Variants in VRK2 observed in about 807,000 individuals in gnomAD.
VRK2 encodes VRK serine/threonine kinase 2.
VRK2 carries 60 observed loss-of-function variants against 57.6 expected under a neutral mutation model. The ratio of observed to expected loss-of-function variants is 1.04; its 90% CI spans 0.85 to 1.29. VRK2 has a LOEUF of 1.29. VRK2 is among the 50% of genes most tolerant of loss of function. The pLI is 0.00. For synonymous variants in VRK2, 231 were observed against 199.2 expected (o/e 1.16, Z -1.35); for missense variants, 705 against 588.1 (o/e 1.20, Z -2.06).
intron 2 of VRK2, among the ~76,000 whole-genome samples, chr2:58,063,896 CAA>C (rs1668254829): frequency 6.6e-6 from 1 of 152,064 alleles, no homozygotes; most frequent in Non-Finnish European, 1.5e-5. Context: ...GCAGTGTTAA[CAA>C]GAGTTTGGAA....
At chr2:57,932,126 A>AT (rs1429734603) in intron 1 of VRK2, among the ~76,000 whole-genome samples, 16 of 152,118 alleles carry the variant, frequency 1.1e-4, no homozygotes, top group Middle Eastern at 3.4e-3. Context: ...TTTCATACAA[A>AT]TTTTAGGATT....
At chr2:58,009,950 T>C (rs1298834042) in intron 1 of VRK2, among the ~76,000 whole-genome samples, 1 of 152,118 alleles carries the variant, frequency 6.6e-6, no homozygotes, top group Non-Finnish European at 1.5e-5. Flanking sequence ...GTCCAATACT[T>C]AATGTCCACT....
upstream of VRK2, among the ~76,000 whole-genome samples, chr2:58,043,852 T>C (rs560756853): frequency 1.3e-5 from 2 of 152,348 alleles, no homozygotes; most frequent in South Asian, 4.1e-4. Context: ...ATAAGAGAGT[T>C]CCAAGTTGTT....
chr2:58,159,833 G>C lies in VRK2; in HGVS notation c.*140G>C, dbSNP rs1354500464. 2 of 1,610,022 alleles carry C rather than the reference G, an allele frequency of 1.2e-6. No individual in the cohort carries two copies. The highest frequency in any genetic ancestry group is 2.7e-5 in the African/African-American group (2 of 74,696). ...AAGAGAACATATTTTAACAAAGTTT[G>C]TGGACACTCTAAAAAATAAAATTGC... On this transcript the variant is annotated 3_prime_UTR_variant, in exon 13 of 13. Transcript: ENST00000340157.
intron 2 of VRK2, among the ~76,000 whole-genome samples, chr2:58,049,834 G>T (rs1675442666): frequency 6.6e-6 from 1 of 152,034 alleles, no homozygotes. Context: ...CATGCTTCAT[G>T]GATCCTGAAA....
intron 1 of VRK2, among the ~76,000 whole-genome samples, chr2:58,022,881 GA>G (rs1329484904): frequency 6.6e-6 from 1 of 151,590 alleles, no homozygotes; most frequent in Non-Finnish European, 1.5e-5. Flanking sequence ...ACTCAAAAAA[GA>G]AAAAAATATG....
rs563122670 is a variant in VRK2 at position 58,128,924 on chromosome 2, T to C, written c.677-2884T>C. 6.8e-4 allele frequency among the ~76,000 whole-genome samples: 104 copies of C among 152,330 alleles called. 2 individuals carry two copies. Among genetic ancestry groups the C allele is most frequent in the Middle Eastern group, 3.4e-3 (1 of 294 alleles). On this transcript the variant is annotated intron_variant, in intron 8 of 12. Coordinates refer to ENST00000340157, the MANE Select transcript of VRK2 (RefSeq NM_006296.7). ...TATCAGCCATTTCTAAAATTTTCTT[T>C]CTAGTTAAATAGAATTTAAATCCTC...
At chr2:58,079,458 C>A (rs563867532) in intron 2 of VRK2, among the ~76,000 whole-genome samples, 3 of 152,028 alleles carry the variant, frequency 2.0e-5, no homozygotes, top group African/African-American at 7.2e-5. Flanking sequence ...TGACATTTGC[C>A]AAATGATGAT....
chr2:58,136,210 A>G (rs1030286020), intron 10 of VRK2, among the ~76,000 whole-genome samples: 1 of 152,150 alleles, frequency 6.6e-6, no homozygotes, highest in African/African-American at 2.4e-5. Flanking sequence ...CAATAAGCCT[A>G]TCCCCACATG....
chr2:58,110,529 A>G (rs1675402321), intron 7 of VRK2, among the ~76,000 whole-genome samples: 1 of 152,180 alleles, frequency 6.6e-6, no homozygotes, highest in African/African-American at 2.4e-5. Context: ...GTTTTGATAC[A>G]AATTTGTGCT....
At chr2:57,934,976 TC>T (rs1284217298) in intron 1 of VRK2, among the ~76,000 whole-genome samples, 1 of 152,238 alleles carries the variant, frequency 6.6e-6, no homozygotes, top group Non-Finnish European at 1.5e-5. Context: ...GTATTGCTTT[TC>T]TGATTTCATT....
intron 2 of VRK2, among the ~76,000 whole-genome samples, chr2:58,055,754 A>G (rs1265964490): frequency 2.0e-5 from 3 of 152,234 alleles, no homozygotes; most frequent in Non-Finnish European, 4.4e-5. Context: ...ACAAAATTGT[A>G]TAAAGGAGAT....
intron 1 of VRK2, among the ~76,000 whole-genome samples, chr2:57,964,284 T>C (rs1266494616): frequency 1.3e-5 from 2 of 152,044 alleles, no homozygotes; most frequent in African/African-American, 4.8e-5. Context: ...AAAAGAAAAA[T>C]ATTATTAAGA....
intron 7 of VRK2, among the ~76,000 whole-genome samples, chr2:58,110,407 A>G (rs1221274942): frequency 2.0e-5 from 3 of 152,226 alleles, no homozygotes; most frequent in African/African-American, 7.2e-5. Context: ...TTACGAAAAT[A>G]ACTATATGAC....
chr2:57,975,756 CTCT>C (rs902487249), intron 1 of VRK2, among the ~76,000 whole-genome samples: 15 of 151,408 alleles, frequency 9.9e-5, no homozygotes, highest in African/African-American at 3.7e-4. Flanking sequence ...TTTTCTCTCT[CTCT>C]TTTTTTTTTT....
intron 1 of VRK2, among the ~76,000 whole-genome samples, chr2:57,991,524 G>C (rs544052706): frequency 6.6e-6 from 1 of 152,278 alleles, no homozygotes; most frequent in South Asian, 2.1e-4. Context: ...TACTCACCCT[G>C]TAGCATTTAC....
At chr2:58,152,161 T>G (rs1393298499) in intron 12 of VRK2, among the ~76,000 whole-genome samples, 1 of 151,920 alleles carries the variant, frequency 6.6e-6, no homozygotes, top group Non-Finnish European at 1.5e-5. Context: ...ATAATCAGAA[T>G]AATATTACTG....
chr2:58,065,318 A>G (rs1458411282), intron 2 of VRK2, among the ~76,000 whole-genome samples: 2 of 152,080 alleles, frequency 1.3e-5, no homozygotes, highest in Non-Finnish European at 2.9e-5. Flanking sequence ...CCATTGATCT[A>G]TTCTGCATCA....
At chr2:57,973,654 T>G (rs550037253) in intron 1 of VRK2, among the ~76,000 whole-genome samples, 394 of 151,930 alleles carry the variant, frequency 2.6e-3, no homozygotes, top group Non-Finnish European at 4.2e-3. Flanking sequence ...AGCAGTAAAT[T>G]TTAGGATTTT....
Sources: gnomAD v4.1 joint callset for allele counts (sites outside exome capture counted in the v4.1 genomes callset) on GRCh38, gnomAD v4.1.1 for gene constraint, MANE v1.5 for transcripts, NCBI Gene and HGNC (gene_info 2026-07-23, HGNC 2026-07-21) for gene names.